Variants in GUCY1A2 observed in about 807,000 individuals in gnomAD.
The protein encoded by GUCY1A2 is guanylate cyclase 1 soluble subunit alpha 2.
In GUCY1A2, 27 loss-of-function variants were observed where a neutral mutation model predicts 63.5. The ratio of observed to expected loss-of-function variants is 0.43; its 90% CI spans 0.31 to 0.59. The LOEUF is 0.59. Among genes scored for constraint, GUCY1A2 ranks in the 20% least tolerant of loss-of-function variants. The pLI, the probability that GUCY1A2 is intolerant of heterozygous loss-of-function variation, is 0.11. For missense variants in GUCY1A2, 768 were observed against 913.3 expected (o/e 0.84, Z 2.05); for synonymous variants, 364 against 343.5 (o/e 1.06, Z -0.66).
chr11:106,753,108 T>C (rs1863912322), intron 6 of GUCY1A2, among the ~76,000 whole-genome samples: 1 of 152,252 alleles, frequency 6.6e-6, no homozygotes, highest in Non-Finnish European at 1.5e-5. Flanking sequence ...TGCATTTCTC[T>C]AATGACAAGT....
chr11:106,704,678 G>A (rs1489193904), intron 7 of GUCY1A2, among the ~76,000 whole-genome samples: 3 of 152,066 alleles, frequency 2.0e-5, no homozygotes, highest in Non-Finnish European at 4.4e-5. Context: ...AGTAATTCAA[G>A]TCTTTCTACA....
intron 4 of GUCY1A2, among the ~76,000 whole-genome samples, chr11:106,878,013 A>G (rs1591311350): frequency 6.6e-6 from 1 of 152,152 alleles, no homozygotes; most frequent in African/African-American, 2.4e-5. Context: ...CAAGCAGCTA[A>G]CAATATATGA....
intron 6 of GUCY1A2, among the ~76,000 whole-genome samples, chr11:106,711,992 A>C (rs1398760405): frequency 6.6e-6 from 1 of 151,720 alleles, no homozygotes; most frequent in Non-Finnish European, 1.5e-5. Context: ...AGTTTTAGGT[A>C]ATTTAGTTAT....
intron 4 of GUCY1A2, among the ~76,000 whole-genome samples, chr11:106,911,576 T>C (rs146290081): frequency 1.3e-3 from 192 of 152,228 alleles, no homozygotes; most frequent in African/African-American, 4.3e-3. Flanking sequence ...AGGTTGATTT[T>C]GCATGTAAAT....
chr11:106,676,442 G>A lies in GUCY1A2; in HGVS notation c.*11107C>T, dbSNP rs1374352218. 5.4e-6 allele frequency: 1 copy of A among 184,382 alleles called. No individual in the cohort carries two copies. Among genetic ancestry groups the A allele is most frequent in the African/African-American group, 2.4e-5 (1 of 42,180 alleles). 11.4% of individuals were successfully genotyped at this position (184,382 alleles called of 1,614,324 possible). A position where few individuals can be genotyped will look rare whatever the true frequency, so the allele number is the denominator to read the frequency against. ...TAAATTCTGGTGAATACTCAAAATTGTAGCTAAAAACAGCTATCTGAATAT... is the reference window on the plus strand; with the variant it reads ...TAAATTCTGGTGAATACTCAAAATTATAGCTAAAAACAGCTATCTGAATAT... On this transcript the variant is annotated 3_prime_UTR_variant, in exon 8 of 8. Coordinates refer to ENST00000526355, the MANE Select transcript of GUCY1A2 (RefSeq NM_000855.3).
At chr11:106,975,825 C>G (rs977510871) in intron 3 of GUCY1A2, among the ~76,000 whole-genome samples, 1 of 152,158 alleles carries the variant, frequency 6.6e-6, no homozygotes, top group Non-Finnish European at 1.5e-5. Flanking sequence ...GGTGAGAGAA[C>G]AAATGAGTGA....
intron 5 of GUCY1A2, among the ~76,000 whole-genome samples, chr11:106,800,330 C>T (rs1440776137): frequency 3.9e-5 from 6 of 152,208 alleles, no homozygotes; most frequent in Non-Finnish European, 5.9e-5. Flanking sequence ...GACAGTGTGG[C>T]GATTCCTCAA....
chr11:106,844,564 A>C (rs918147967), intron 4 of GUCY1A2, among the ~76,000 whole-genome samples: 1 of 151,694 alleles, frequency 6.6e-6, no homozygotes, highest in African/African-American at 2.4e-5. Context: ...CTTAATTACT[A>C]TTCCTTCAAA....
intron 7 of GUCY1A2, among the ~76,000 whole-genome samples, chr11:106,691,863 T>C (rs966016646): frequency 2.0e-5 from 3 of 152,180 alleles, no homozygotes; most frequent in Non-Finnish European, 2.9e-5. Flanking sequence ...TATCCAGTAT[T>C]TATTACAGCA....
At chr11:106,902,073 T>A (rs903517289) in intron 4 of GUCY1A2, among the ~76,000 whole-genome samples, 1 of 152,184 alleles carries the variant, frequency 6.6e-6, no homozygotes, top group Non-Finnish European at 1.5e-5. Context: ...ACTTGAAAGT[T>A]GAAATAACTC....
At chr11:106,939,306 A>G (rs1350329101) in intron 4 of GUCY1A2, among the ~76,000 whole-genome samples, 154 bp downstream of exon 4, 1 of 152,346 alleles carries the variant, frequency 6.6e-6, no homozygotes, top group Non-Finnish European at 1.5e-5. Context: ...AATGAGGCCA[A>G]ATCTTTTTAC....
intron 6 of GUCY1A2, among the ~76,000 whole-genome samples, chr11:106,724,021 C>A (rs184151133): frequency 1.3e-5 from 2 of 152,286 alleles, no homozygotes; most frequent in Admixed American, 6.5e-5. Context: ...TCCTCCATTC[C>A]CGTTCAGTTT....
chr11:106,940,894 A>G (rs554426018), intron 3 of GUCY1A2, among the ~76,000 whole-genome samples: 7 of 152,278 alleles, frequency 4.6e-5, no homozygotes, highest in South Asian at 2.1e-4. Flanking sequence ...TATTATGTCC[A>G]TATTACATCC....
At chr11:106,882,365 C>T (rs889085626) in intron 4 of GUCY1A2, among the ~76,000 whole-genome samples, 1 of 151,964 alleles carries the variant, frequency 6.6e-6, no homozygotes, top group African/African-American at 2.4e-5. Context: ...CAGGTGATTG[C>T]TAACTGTGCA....
At chr11:106,750,522 C>T (rs1863864699) in intron 6 of GUCY1A2, among the ~76,000 whole-genome samples, 1 of 151,968 alleles carries the variant, frequency 6.6e-6, no homozygotes, top group African/African-American at 2.4e-5. Context: ...TATTACAAAG[C>T]TAAAATTTTA....
At chr11:106,948,922 C>T (rs1860866808) in intron 3 of GUCY1A2, among the ~76,000 whole-genome samples, 1 of 151,762 alleles carries the variant, frequency 6.6e-6, no homozygotes, top group Admixed American at 6.6e-5. Flanking sequence ...AAAGATGAAG[C>T]AATAAATATT....
intron 4 of GUCY1A2, chr11:106,826,892 C>T (rs1257806679): frequency 6.2e-7 from 1 of 1,607,392 alleles, no homozygotes; most frequent in East Asian, 2.2e-5. Context: ...CCATCTTCTC[C>T]TAGATCAAAA....
intron 6 of GUCY1A2, among the ~76,000 whole-genome samples, chr11:106,741,999 A>C (rs1185447726): frequency 6.6e-6 from 1 of 152,178 alleles, no homozygotes; most frequent in African/African-American, 2.4e-5. Flanking sequence ...GTTCTCTCCA[A>C]CTATTTATCA....
intron 6 of GUCY1A2, among the ~76,000 whole-genome samples, chr11:106,765,593 T>C (rs1192301394): frequency 6.6e-6 from 1 of 152,144 alleles, no homozygotes; most frequent in Non-Finnish European, 1.5e-5. Context: ...CAGATTCATG[T>C]AGAATCAGGC....
Sources: allele counts gnomAD v4.1 joint callset (sites outside exome capture counted in the v4.1 genomes callset), GRCh38; gene constraint gnomAD v4.1.1; transcripts MANE v1.5; gene names NCBI Gene and HGNC (gene_info 2026-07-23, HGNC 2026-07-21).